The following ADAM18 variants were observed in gnomAD, a reference collection of about 807,000 sequenced individuals.
ADAM18 encodes the protein ADAM metallopeptidase domain 18.
A neutral mutation model predicts 94.4 loss-of-function variants in ADAM18; 117 were observed. That is an observed-to-expected ratio of 1.24 (90% CI 1.07 to 1.45). The LOEUF (loss-of-function observed/expected upper bound fraction) is 1.45, where lower values mean the gene tolerates loss of function less well. Ranked by LOEUF, ADAM18 falls within the 40% of genes most tolerant of loss-of-function variation. ADAM18 has a pLI of 0.00. For missense variants in ADAM18, 936 were observed against 880.0 expected (o/e 1.06, Z -0.81); for synonymous variants, 327 against 291.6 (o/e 1.12, Z -1.24).
chr8:39,632,270 T>C (rs886910996), intron 7 of ADAM18, among the ~76,000 whole-genome samples: 10 of 152,198 alleles, frequency 6.6e-5, no homozygotes, highest in Admixed American at 6.5e-4. Context: ...CAATGTTAAA[T>C]AGACTGATGT....
chr8:39,684,319 T>C (rs535931336), intron 16 of ADAM18, among the ~76,000 whole-genome samples: 1 of 152,268 alleles, frequency 6.6e-6, no homozygotes, highest in Admixed American at 6.5e-5. Flanking sequence ...ACCTCTCTCA[T>C]AGCAGCATTT....
At chr8:39,621,271 A>G (rs1481517209) in intron 6 of ADAM18, among the ~76,000 whole-genome samples, 1 of 150,616 alleles carries the variant, frequency 6.6e-6, no homozygotes, top group African/African-American at 2.4e-5. Flanking sequence ...AGAGCAGCTG[A>G]GTTTTTTAAA....
At chr8:39,658,488 G>C (rs1820746324) in intron 12 of ADAM18, among the ~76,000 whole-genome samples, 1 of 152,132 alleles carries the variant, frequency 6.6e-6, no homozygotes, top group Non-Finnish European at 1.5e-5. Flanking sequence ...CATGAGCCGA[G>C]GAATTTGAGT....
At chr8:39,663,187 C>T (rs940649304) in intron 12 of ADAM18, among the ~76,000 whole-genome samples, 2 of 151,966 alleles carry the variant, frequency 1.3e-5, no homozygotes, top group Admixed American at 6.6e-5. Context: ...TGGTAACTTA[C>T]GAGTTAATTA....
intron 2 of ADAM18, among the ~76,000 whole-genome samples, chr8:39,604,346 T>G (rs1263317063): frequency 6.6e-6 from 1 of 152,242 alleles, no homozygotes; most frequent in Non-Finnish European, 1.5e-5. Context: ...CTCCTTATAA[T>G]GTCTATTTTT....
intron 10 of ADAM18, 45 bp downstream of exon 10, chr8:39,638,591 A>C: frequency 3.3e-6 from 4 of 1,210,564 alleles, no homozygotes; most frequent in Non-Finnish European, 4.6e-6. Context: ...TTTAGGCCTT[A>C]TATTATATTT....
chr8:39,591,017 C>T (rs1818555494), intron 2 of ADAM18, among the ~76,000 whole-genome samples: 1 of 152,152 alleles, frequency 6.6e-6, no homozygotes, highest in Admixed American at 6.5e-5. Context: ...GTTTGGTATA[C>T]TATATACTAT....
At chr8:39,676,208 C>T (rs1461286174) in intron 14 of ADAM18, among the ~76,000 whole-genome samples, 1 of 152,212 alleles carries the variant, frequency 6.6e-6, no homozygotes, top group African/African-American at 2.4e-5. Flanking sequence ...TTTAAGTCTG[C>T]AGAAGTTGTC....
chr8:39,717,380 A>G (rs1436703284), intron 18 of ADAM18, among the ~76,000 whole-genome samples: 1 of 151,848 alleles, frequency 6.6e-6, no homozygotes, highest in African/African-American at 2.4e-5. Context: ...TTACAGCAAC[A>G]CTGTATTCTA....
At chr8:39,684,875 A>G (rs1344944529) in intron 16 of ADAM18, among the ~76,000 whole-genome samples, 1 of 152,108 alleles carries the variant, frequency 6.6e-6, no homozygotes, top group Non-Finnish European at 1.5e-5. Context: ...TGTTATCCGT[A>G]GATTCTAGAC....
chr8:39,665,803 C>G (rs147507157), intron 13 of ADAM18, among the ~76,000 whole-genome samples: 1 of 152,008 alleles, frequency 6.6e-6, no homozygotes, highest in Non-Finnish European at 1.5e-5. Flanking sequence ...TATAATAGAA[C>G]ATGATCATAT....
At chr8:39,696,187 C>T (rs576991448) in intron 17 of ADAM18, among the ~76,000 whole-genome samples, 3 of 151,458 alleles carry the variant, frequency 2.0e-5, no homozygotes, top group East Asian at 3.9e-4. Flanking sequence ...AATCCATATA[C>T]CTTTAGATGA....
chr8:39,712,730 A>G (rs1280923422), intron 18 of ADAM18, among the ~76,000 whole-genome samples: 1 of 152,158 alleles, frequency 6.6e-6, no homozygotes. Context: ...TCCAACTTAC[A>G]AGGGATGTAA....
chr8:39,710,200 G>C (rs1468288428), intron 18 of ADAM18, among the ~76,000 whole-genome samples: 1 of 152,126 alleles, frequency 6.6e-6, no homozygotes, highest in African/African-American at 2.4e-5. Flanking sequence ...AAGATTAAAA[G>C]GAACAGCAAT....
chr8:39,711,456 G>A (rs757084074), intron 18 of ADAM18, among the ~76,000 whole-genome samples: 3 of 151,996 alleles, frequency 2.0e-5, no homozygotes, highest in Non-Finnish European at 4.4e-5. Context: ...GACTTACAAC[G>A]GCTTTAAAAT....
At chr8:39,653,598 T>C (rs1820600275) in intron 12 of ADAM18, among the ~76,000 whole-genome samples, 1 of 152,228 alleles carries the variant, frequency 6.6e-6, no homozygotes, top group African/African-American at 2.4e-5. Context: ...TAAGGAATTC[T>C]ACTGATTTTA....
intron 12 of ADAM18, among the ~76,000 whole-genome samples, chr8:39,661,146 T>C (rs1820822412): frequency 7.3e-6 from 1 of 136,800 alleles, no homozygotes; most frequent in African/African-American, 2.7e-5. Flanking sequence ...CAACTGTTTC[T>C]TCTTCTTCTT....
At chr8:39,622,333 T>C (rs1316564330) in intron 6 of ADAM18, among the ~76,000 whole-genome samples, 1 of 149,878 alleles carries the variant, frequency 6.7e-6, no homozygotes, top group Non-Finnish European at 1.5e-5. Flanking sequence ...ATATATATAA[T>C]GGCCTCTAGA....
intron 2 of ADAM18, among the ~76,000 whole-genome samples, chr8:39,588,040 G>A (rs1818457487): frequency 6.6e-6 from 1 of 152,004 alleles, no homozygotes; most frequent in Non-Finnish European, 1.5e-5. Context: ...TAATTTTTTT[G>A]GATATGTAGC....
Sources: gnomAD v4.1 joint callset for allele counts (sites outside exome capture counted in the v4.1 genomes callset) on GRCh38, gnomAD v4.1.1 for gene constraint, MANE v1.5 for transcripts, NCBI Gene and HGNC (gene_info 2026-07-23, HGNC 2026-07-21) for gene names.